Variants in INPP5F observed in about 807,000 individuals in gnomAD.
The protein encoded by INPP5F is inositol polyphosphate-5-phosphatase F, also known as phosphatidylinositide 4-phosphatase SAC2.
In INPP5F, 97 loss-of-function variants were observed where a neutral mutation model predicts 137.2. That is an observed-to-expected ratio of 0.71 (90% CI 0.60 to 0.84). INPP5F has a LOEUF of 0.84. INPP5F is among the 40% of genes least tolerant of loss of function. INPP5F has a pLI of 0.00. For missense variants in INPP5F, 1,271 were observed against 1,371.9 expected, an observed-to-expected ratio of 0.93 and a Z score of 1.16; for synonymous variants, 504 against 476.9, an observed-to-expected ratio of 1.06 and a Z score of -0.74.
At chr10:119,822,328 T>A (rs1013653396) in intron 16 of INPP5F, 103 bp from the exon 17 acceptor site, 1 of 544,786 alleles carries the variant, frequency 1.8e-6, no homozygotes. Context: ...TGTGGAAGAT[T>A]TTGTTAACTG....
intron 3 of INPP5F, among the ~76,000 whole-genome samples, chr10:119,783,293 A>G (rs117984517): frequency 6.6e-6 from 1 of 152,318 alleles, no homozygotes; most frequent in East Asian, 1.9e-4. Flanking sequence ...AAAGATCAGG[A>G]TGGCTTGTTA....
At chr10:119,733,108 C>T (rs1218502913) in intron 1 of INPP5F, among the ~76,000 whole-genome samples, 1 of 152,124 alleles carries the variant, frequency 6.6e-6, no homozygotes, top group Non-Finnish European at 1.5e-5. Flanking sequence ...TGGGTAATAG[C>T]TGAAATGTAT....
chr10:119,763,981 A>ATT (rs1849081741), intron 2 of INPP5F, among the ~76,000 whole-genome samples: 1 of 152,098 alleles, frequency 6.6e-6, no homozygotes, highest in African/African-American at 2.4e-5. Flanking sequence ...CACGTTCCTT[A>ATT]TTTTCATCTG....
intron 15 of INPP5F, chr10:119,818,571 C>T (rs1355619998): frequency 6.6e-6 from 1 of 152,432 alleles, no homozygotes; most frequent in African/African-American, 2.4e-5. Context: ...CCCGCCGGGC[C>T]GGGGTCTGTG....
At chr10:119,749,579 A>C (rs1276036736) in intron 1 of INPP5F, among the ~76,000 whole-genome samples, 1 of 152,190 alleles carries the variant, frequency 6.6e-6, no homozygotes, top group Non-Finnish European at 1.5e-5. Flanking sequence ...AGAAAGGTTT[A>C]GAGCAGGGGC....
intron 15 of INPP5F, among the ~76,000 whole-genome samples, chr10:119,820,455 A>G (rs1483050031): frequency 6.6e-6 from 1 of 152,226 alleles, no homozygotes; most frequent in Non-Finnish European, 1.5e-5. Flanking sequence ...TATTTTGAAG[A>G]TTAGATAATG....
At chr10:119,747,552 AAG>A (rs1324434264) in intron 1 of INPP5F, among the ~76,000 whole-genome samples, 2 of 152,246 alleles carry the variant, frequency 1.3e-5, no homozygotes, top group African/African-American at 4.8e-5. Context: ...TAATTCAAAA[AAG>A]AAATTCATAT....
At chr10:119,737,927 A>G (rs1848262225) in intron 1 of INPP5F, among the ~76,000 whole-genome samples, 1 of 152,122 alleles carries the variant, frequency 6.6e-6, no homozygotes, top group African/African-American at 2.4e-5. Context: ...ACACAGTGAA[A>G]GTGCCTATAG....
chr10:119,804,481 AG>A, intron 10 of INPP5F, among the ~76,000 whole-genome samples, 184 bp downstream of exon 10: 1 of 152,210 alleles, frequency 6.6e-6, no homozygotes, highest in East Asian at 1.9e-4. Context: ...GCTAAAATTT[AG>A]AGTTGATTCC....
chr10:119,771,085 T>A (rs1274393722), intron 2 of INPP5F, among the ~76,000 whole-genome samples: 1 of 152,162 alleles, frequency 6.6e-6, no homozygotes, highest in Non-Finnish European at 1.5e-5. Flanking sequence ...ACCTCTCAGA[T>A]GGCCAGTTAT....
In INPP5F at chr10:119,726,120, C is replaced by A. The variant is rs937525829; in HGVS notation, c.-143C>A. The A allele has an allele frequency of 2.1e-5, 9 of 428,640 alleles. No homozygotes were observed. In the Admixed American group the frequency reaches 3.3e-4, roughly 16 times the overall value. The allele number at this position is 428,640 out of a possible 1,614,324, so 26.6% of individuals were successfully genotyped here. A position where few individuals can be genotyped will look rare whatever the true frequency, so the allele number is the denominator to read the frequency against. ...GTTCTCCTCCTACCGGTCGGGTGCCCCGGGGCGTTCCCTCTGCCGCTGCTT... is the reference window on the plus strand; with the variant it reads ...GTTCTCCTCCTACCGGTCGGGTGCCACGGGGCGTTCCCTCTGCCGCTGCTT... On this transcript the variant is annotated 5_prime_UTR_variant, in exon 1 of 20. Coordinates refer to ENST00000650623, the MANE Select transcript of INPP5F (RefSeq NM_014937.4).
chr10:119,736,539 A>G (rs1848221343), intron 1 of INPP5F, among the ~76,000 whole-genome samples: 1 of 152,192 alleles, frequency 6.6e-6, no homozygotes, highest in Non-Finnish European at 1.5e-5. Flanking sequence ...TATACCTTTC[A>G]TAGTTGTATT....
At chr10:119,786,908 G>C (rs148581872) in intron 3 of INPP5F, among the ~76,000 whole-genome samples, 1 of 151,904 alleles carries the variant, frequency 6.6e-6, no homozygotes, top group Non-Finnish European at 1.5e-5. Context: ...TTTGAACTTT[G>C]TTATACAGAT....
At chr10:119,804,855 T>C (rs1850712962) in intron 10 of INPP5F, among the ~76,000 whole-genome samples, 1 of 151,848 alleles carries the variant, frequency 6.6e-6, no homozygotes, top group Non-Finnish European at 1.5e-5. Context: ...GCCTCCCGAG[T>C]AGCTGGGACT....
intron 2 of INPP5F, among the ~76,000 whole-genome samples, chr10:119,774,059 T>G (rs966253855): frequency 1.3e-5 from 2 of 151,656 alleles, no homozygotes; most frequent in Non-Finnish European, 2.9e-5. Flanking sequence ...GGTCAAGAGA[T>G]AGAGACCGTC....
chr10:119,735,128 T>G (rs1324805116), intron 1 of INPP5F, among the ~76,000 whole-genome samples: 1 of 152,218 alleles, frequency 6.6e-6, no homozygotes, highest in Non-Finnish European at 1.5e-5. Flanking sequence ...AAATCACATG[T>G]TTTTAGGATG....
At chr10:119,767,740 C>T (rs196198) in intron 2 of INPP5F, among the ~76,000 whole-genome samples, 26,720 of 152,150 alleles carry the variant, frequency 0.18, 2,658 homozygotes, top group South Asian at 0.24. Flanking sequence ...ATTAGCCTAA[C>T]GAAAACTGGT....
Position 119,787,043 on chromosome 10 carries a change from C to G in INPP5F, c.316-4474C>G, listed in dbSNP as rs1030169937. ...AAAGTGGTTCTGGAGCATTACCCCACGATAAAACACATTAATGTTTCTTAA... is the reference window on the plus strand; with the variant it reads ...AAAGTGGTTCTGGAGCATTACCCCAGGATAAAACACATTAATGTTTCTTAA... On this transcript the variant is annotated intron_variant, in intron 3 of 19. Coordinates refer to ENST00000650623, the MANE Select transcript of INPP5F (RefSeq NM_014937.4). This position sits in a 1 kb window ranked among gnomAD's most constrained non-coding sequence, Gnocchi z 4.1. Among the ~76,000 whole-genome samples the G allele has an allele frequency of 1.3e-5, 2 of 152,006 alleles. No individual in the cohort carries two copies. The highest frequency in any genetic ancestry group is 2.9e-5 in the Non-Finnish European group (2 of 68,002).
In INPP5F at chr10:119,797,552, C is replaced by T. The variant is rs761237711; in HGVS notation, c.960C>T (p.Thr320=). Residue 320 remains threonine (T), a synonymous_variant, in exon 8 of 20, where the codon ACC becomes ACT. Coordinates refer to ENST00000650623, the MANE Select transcript of INPP5F (RefSeq NM_014937.4). The part of the protein sequence containing the change: ...TEQLIHVHNH[T]LSFVQTRGSV... ...AGTTGATTCATGTTCATAATCATAC[C>T]CTGTCATTTGTTCAAACACGAGGCT... 5.4e-5 allele frequency: 87 copies of T among 1,612,702 alleles called. No individual in the cohort carries two copies. The highest frequency in any genetic ancestry group is 1.6e-4 in the Middle Eastern group (1 of 6,084).
Sources: gnomAD v4.1 joint callset for allele counts (sites outside exome capture counted in the v4.1 genomes callset) on GRCh38, gnomAD v4.1.1 for gene constraint, Gnocchi (gnomAD v3.1) non-coding constraint, MANE v1.5 for transcripts, NCBI Gene and HGNC (gene_info 2026-07-23, HGNC 2026-07-21) for gene names.